CFAP20DC: variants seen among roughly 807,000 people sequenced by gnomAD.
CFAP20DC encodes CFAP20 domain containing.
Under a neutral mutation model 101.7 loss-of-function variants are expected in CFAP20DC, and 84 were observed. The ratio of observed to expected loss-of-function variants is 0.83; its 90% CI spans 0.69 to 0.99. The LOEUF (loss-of-function observed/expected upper bound fraction) is 0.99. CFAP20DC is among the 50% of genes least tolerant of loss of function. The probability of loss-of-function intolerance (pLI) is 0.00; values close to 1 mark genes in which losing one functional copy is unlikely to be tolerated. For synonymous variants in CFAP20DC, 359 were observed against 351.2 expected (o/e 1.02, Z -0.25); for missense variants, 1,007 against 970.3 (o/e 1.04, Z -0.50).
chr3:58,872,222 C>T (rs1438796361), intron 7 of CFAP20DC, among the ~76,000 whole-genome samples: 2 of 152,144 alleles, frequency 1.3e-5, no homozygotes. Context: ...TCCACATTTG[C>T]CCACCAGTCC....
intron 12 of CFAP20DC, among the ~76,000 whole-genome samples, chr3:58,849,644 AT>A (rs2078046135): frequency 6.6e-6 from 1 of 152,302 alleles, no homozygotes; most frequent in South Asian, 2.1e-4. Flanking sequence ...GATAAGGCAT[AT>A]TTTTTACTCA....
intron 4 of CFAP20DC, among the ~76,000 whole-genome samples, chr3:58,959,634 C>T (rs2090961025): frequency 6.6e-6 from 1 of 152,212 alleles, no homozygotes; most frequent in Non-Finnish European, 1.5e-5. Context: ...ATGTCCTCTT[C>T]ATGCCAGTAA....
intron 4 of CFAP20DC, among the ~76,000 whole-genome samples, chr3:58,983,335 A>C (rs1484094419): frequency 6.6e-6 from 1 of 152,176 alleles, no homozygotes; most frequent in Non-Finnish European, 1.5e-5. Context: ...GGCTAATCCT[A>C]CTTTTTTGTC....
intron 13 of CFAP20DC, among the ~76,000 whole-genome samples, chr3:58,842,174 A>C (rs79096214): frequency 0.11 from 16,504 of 151,950 alleles, 1,540 homozygotes; most frequent in East Asian, 0.35. Context: ...AAGATGGCCG[A>C]ATAGGAACAG....
intron 4 of CFAP20DC, among the ~76,000 whole-genome samples, chr3:58,986,827 A>G (rs1414375776): frequency 6.6e-6 from 1 of 152,188 alleles, no homozygotes; most frequent in African/African-American, 2.4e-5. Flanking sequence ...CCCAATAAAC[A>G]TAAAGTCACA....
At chr3:58,738,004 T>C (rs1016283487), downstream of CFAP20DC, among the ~76,000 whole-genome samples, 9 of 152,200 alleles carry the variant, frequency 5.9e-5, no homozygotes, top group Non-Finnish European at 1.0e-4. The surrounding 1 kb of genome is among the most constrained non-coding windows in gnomAD (Gnocchi z 4.4). Context: ...TTGATTGTCC[T>C]TTCTAGGCCC....
Position 58,882,387 on chromosome 3 carries a change from A to T in CFAP20DC, c.715+2158T>A, listed in dbSNP as rs1002805676. Among the ~76,000 whole-genome samples the T allele has an allele frequency of 6.6e-6, 1 of 152,198 alleles. No homozygotes were observed. Among genetic ancestry groups the T allele is most frequent in the Non-Finnish European group, 1.5e-5 (1 of 68,016 alleles). ...AAATTTAAATTGAAAAAGACACTTA[A>T]AATATCGGGATATAGACTTGCACTT... On this transcript the variant is annotated intron_variant, in intron 7 of 16. Coordinates refer to ENST00000482387, the MANE Select transcript of CFAP20DC (RefSeq NM_001394063.1). The surrounding 1 kb of genome is among the most constrained non-coding windows in gnomAD (Gnocchi z 4.2).
intron 4 of CFAP20DC, among the ~76,000 whole-genome samples, chr3:58,983,733 C>G (rs1428052595): frequency 1.3e-5 from 2 of 152,116 alleles, no homozygotes; most frequent in Non-Finnish European, 2.9e-5. Context: ...GTGCCAAGTG[C>G]TATTCAAAAT....
chr3:58,835,173 G>A (rs571986377), intron 13 of CFAP20DC, among the ~76,000 whole-genome samples: 12 of 152,060 alleles, frequency 7.9e-5, no homozygotes, highest in East Asian at 1.9e-4. Flanking sequence ...TACTTCTGTC[G>A]TCATGGAGTT....
At chr3:58,804,691 C>T (rs964102786) in intron 15 of CFAP20DC, among the ~76,000 whole-genome samples, 5 of 152,030 alleles carry the variant, frequency 3.3e-5, no homozygotes, top group Admixed American at 3.3e-4. Context: ...TAATTTGGAC[C>T]ACAGTTGGAT....
At position 58,912,855 on chromosome 3, in the gene CFAP20DC, A is replaced by T. The variant is rs777404973; in HGVS notation, c.550+853T>A. The T allele has an allele frequency of 9.8e-6, 4 of 409,718 alleles. No individual in the cohort carries two copies. The highest frequency in any genetic ancestry group is 5.8e-5 in the Admixed American group (2 of 34,486). 25.4% of individuals were successfully genotyped at this position (409,718 alleles called of 1,614,324 possible). On this transcript the variant is annotated intron_variant, in intron 6 of 16. Coordinates refer to ENST00000482387, the MANE Select transcript of CFAP20DC (RefSeq NM_001394063.1). The surrounding 1 kb of genome is among the most constrained non-coding windows in gnomAD (Gnocchi z 4.4). ...TTCCATTTTAACTTGATCACTAGAA[A>T]ATTAATATGATTTCTCCCAAATGAC...
chr3:58,950,359 C>T (rs1363673223), intron 4 of CFAP20DC, among the ~76,000 whole-genome samples: 1 of 152,102 alleles, frequency 6.6e-6, no homozygotes, highest in Non-Finnish European at 1.5e-5. Flanking sequence ...ATATTCAATG[C>T]CAACCCCATC....
At chr3:58,979,551 A>G (rs565435691) in intron 4 of CFAP20DC, among the ~76,000 whole-genome samples, 3 of 152,302 alleles carry the variant, frequency 2.0e-5, no homozygotes, top group Admixed American at 2.0e-4. Context: ...GTATGACAAG[A>G]ATGAAATTCA....
At chr3:59,042,150 G>T (rs561842767) in intron 3 of CFAP20DC, among the ~76,000 whole-genome samples, 2 of 152,028 alleles carry the variant, frequency 1.3e-5, no homozygotes, top group African/African-American at 2.4e-5. Context: ...CTGGGCAAGC[G>T]GGATGGGTGT....
At chr3:58,890,134 C>T (rs1375982548) in intron 6 of CFAP20DC, among the ~76,000 whole-genome samples, 2 of 150,918 alleles carry the variant, frequency 1.3e-5, no homozygotes, top group South Asian at 2.1e-4. Context: ...GGCGGCCGGG[C>T]AGAGGCGCCC....
chr3:58,956,980 G>T (rs1362077866), intron 4 of CFAP20DC, among the ~76,000 whole-genome samples: 1 of 152,058 alleles, frequency 6.6e-6, no homozygotes, highest in Non-Finnish European at 1.5e-5. Context: ...CAACACAAGG[G>T]GATTATGGGA....
At chr3:58,820,196 G>A (rs1389521525) in intron 14 of CFAP20DC, among the ~76,000 whole-genome samples, 1 of 150,812 alleles carries the variant, frequency 6.6e-6, no homozygotes, top group Non-Finnish European at 1.5e-5. Context: ...ATACTGAATG[G>A]GAAAAAACTG....
intron 15 of CFAP20DC, among the ~76,000 whole-genome samples, chr3:58,768,271 G>C (rs2107468018): frequency 6.6e-6 from 1 of 152,316 alleles, no homozygotes; most frequent in East Asian, 1.9e-4. Flanking sequence ...TGCCACTGGT[G>C]ATCCCATTTC....
At chr3:58,988,271 C>T (rs1234530396) in intron 4 of CFAP20DC, among the ~76,000 whole-genome samples, 1 of 152,040 alleles carries the variant, frequency 6.6e-6, no homozygotes, top group Non-Finnish European at 1.5e-5. Flanking sequence ...CAAGCTTTAG[C>T]AAACTAGAAA....
Sources: gnomAD v4.1 joint callset for allele counts (sites outside exome capture counted in the v4.1 genomes callset) on GRCh38, gnomAD v4.1.1 for gene constraint, Gnocchi (gnomAD v3.1) non-coding constraint, MANE v1.5 for transcripts, NCBI Gene and HGNC (gene_info 2026-07-23, HGNC 2026-07-21) for gene names.